Variants in WDFY1 observed in about 807,000 individuals in gnomAD.
WDFY1 encodes the protein WD repeat and FYVE domain containing 1.
A neutral mutation model predicts 56.4 loss-of-function variants in WDFY1; 32 were observed. The ratio of observed to expected loss-of-function variants is 0.57; its 90% CI spans 0.43 to 0.76. The LOEUF is 0.76. Ranked by LOEUF, WDFY1 falls within the 30% of genes least tolerant of loss-of-function variation. The pLI is 0.00. For missense variants in WDFY1, 480 were observed against 545.7 expected, an observed-to-expected ratio of 0.88 and a Z score of 1.20; for synonymous variants, 192 against 197.3, an observed-to-expected ratio of 0.97 and a Z score of 0.23.
intron 10 of WDFY1, among the ~76,000 whole-genome samples, chr2:223,881,457 G>C (rs1693069810): frequency 6.6e-6 from 1 of 152,138 alleles, no homozygotes; most frequent in Non-Finnish European, 1.5e-5. Context: ...GCATAGTCAT[G>C]GTCTTAAGTC....
chr2:223,927,194 A>C (rs1460521653), intron 1 of WDFY1, among the ~76,000 whole-genome samples: 1 of 152,230 alleles, frequency 6.6e-6, no homozygotes, highest in African/African-American at 2.4e-5. Flanking sequence ...TACCAGCTGC[A>C]TTAGCCACAG....
chr2:223,875,815 T>C lies in WDFY1; in HGVS notation c.*2856A>G, dbSNP rs538866796. ...ACACTTTAGGAGATACCATATCCAA[T>C]AACGGAAGTAGAAGTACTTTAACGA... On this transcript the variant is annotated 3_prime_UTR_variant, in exon 12 of 12. Coordinates refer to ENST00000233055, the MANE Select transcript of WDFY1 (RefSeq NM_020830.5). 2 of 152,270 alleles carry C rather than the reference T, an allele frequency of 1.3e-5. No individual in the cohort carries two copies. The highest frequency in any genetic ancestry group is 4.1e-4 in the South Asian group (2 of 4,830). 9.4% of individuals were successfully genotyped at this position (152,270 alleles called of 1,614,324 possible). A position where few individuals can be genotyped will look rare whatever the true frequency, so the allele number is the denominator to read the frequency against.
At chr2:223,905,921 C>G (rs73994418) in intron 4 of WDFY1, 26 bp downstream of exon 4, 1 of 1,489,440 alleles carries the variant, frequency 6.7e-7, no homozygotes, top group African/African-American at 1.4e-5. Context: ...TGTATGTGTA[C>G]GCAAGATAAT....
intron 9 of WDFY1, among the ~76,000 whole-genome samples, chr2:223,882,730 T>C (rs1007531620): frequency 0.017 from 42 of 2,520 alleles, no homozygotes; most frequent in Non-Finnish European, 0.15. Context: ...ATTATTATTA[T>C]TTTTTTTTTC....
intron 1 of WDFY1, among the ~76,000 whole-genome samples, chr2:223,921,898 C>A (rs1693891675): frequency 1.3e-5 from 2 of 152,240 alleles, no homozygotes; most frequent in South Asian, 4.1e-4. Flanking sequence ...TTTCACACAG[C>A]AGTAGGCCTG....
chr2:223,883,076 G>A (rs1693103695), intron 9 of WDFY1, among the ~76,000 whole-genome samples: 1 of 152,044 alleles, frequency 6.6e-6, no homozygotes, highest in South Asian at 2.1e-4. Flanking sequence ...ATAGAGACGG[G>A]GTCTCATCAT....
chr2:223,890,290 G>T (rs1239853160), intron 8 of WDFY1, among the ~76,000 whole-genome samples: 1 of 152,142 alleles, frequency 6.6e-6, no homozygotes, highest in African/African-American at 2.4e-5. Flanking sequence ...TGGCCAACAT[G>T]GTGAAACCCT....
At chr2:223,908,102 T>C (rs1693632590) in intron 3 of WDFY1, among the ~76,000 whole-genome samples, 1 of 152,128 alleles carries the variant, frequency 6.6e-6, no homozygotes, top group Non-Finnish European at 1.5e-5. Flanking sequence ...TCAATCCTCC[T>C]GCCTAAGCCT....
At chr2:223,912,147 G>T in intron 3 of WDFY1, 106 bp downstream of exon 3, 1 of 1,137,348 alleles carries the variant, frequency 8.8e-7, no homozygotes, top group Non-Finnish European at 1.2e-6. Context: ...AAACAATCGA[G>T]CATCCATTGT....
chr2:223,934,099 T>C (rs1694128268), intron 1 of WDFY1, among the ~76,000 whole-genome samples: 1 of 149,388 alleles, frequency 6.7e-6, no homozygotes. Context: ...TTTTTTTTTT[T>C]TTTTTGAGAA....
chr2:223,933,961 C>CAAAAAA (rs368902455), intron 1 of WDFY1, among the ~76,000 whole-genome samples: 2,718 of 50,260 alleles, frequency 0.054, 418 homozygotes, highest in Middle Eastern at 0.16. Flanking sequence ...GACCCTGCCT[C>CAAAAAA]AAAAAAAAAA....
intron 1 of WDFY1, among the ~76,000 whole-genome samples, chr2:223,919,776 C>T (rs911470164): frequency 3.3e-5 from 5 of 152,154 alleles, no homozygotes; most frequent in African/African-American, 1.2e-4. Flanking sequence ...AATATTGATA[C>T]CATATGTTTC....
chr2:223,884,859 C>CTTATT, intron 8 of WDFY1, 110 bp from the exon 9 acceptor site: 5 of 689,240 alleles, frequency 7.3e-6, no homozygotes, highest in African/African-American at 2.0e-5. Flanking sequence ...TTCTTTTCTT[C>CTTATT]TTTTTTTTTT....
At chr2:223,943,790 G>A (rs1689353731) in intron 1 of WDFY1, among the ~76,000 whole-genome samples, 1 of 152,232 alleles carries the variant, frequency 6.6e-6, no homozygotes. Flanking sequence ...GCTGGTGGGA[G>A]TTCTGGATTG....
intron 8 of WDFY1, among the ~76,000 whole-genome samples, chr2:223,889,437 G>A (rs1027904845): frequency 5.9e-5 from 9 of 152,166 alleles, no homozygotes; most frequent in Non-Finnish European, 1.2e-4. Flanking sequence ...TAATCCCCAT[G>A]TGTCATGGGA....
In WDFY1 at chr2:223,899,023, T is replaced by G. The variant is rs1372121040; in HGVS notation, c.533A>C (p.Gln178Pro). The G allele has an allele frequency of 6.2e-7, 1 of 1,614,170 alleles. No individual in the cohort carries two copies. The highest frequency in any genetic ancestry group is 1.3e-5 in the African/African-American group (1 of 75,066). The change falls in exon 6 of 12, where the codon CAG (glutamine) becomes CCG (proline). Residue 178 changes from glutamine to proline, a missense_variant. By Grantham distance (76) the Gln-to-Pro change is moderately conservative (BLOSUM62 -1). Coordinates refer to ENST00000233055, the MANE Select transcript of WDFY1 (RefSeq NM_020830.5). ...QYAFVGDYSG[Q>P]ITLLKLEQNT... ...CTGTTCAAGCTTCAGCAGGGTGATC[T>G]GCCCAGAATAATCACCAACGAAAGC...
chr2:223,903,754 G>C (rs1007270385), intron 4 of WDFY1, among the ~76,000 whole-genome samples: 1 of 150,752 alleles, frequency 6.6e-6, no homozygotes, highest in Non-Finnish European at 1.5e-5. Context: ...GGGCTCAAGT[G>C]ATCCTCCCAC....
chr2:223,927,725 G>T (rs1041315849), intron 1 of WDFY1, among the ~76,000 whole-genome samples: 7 of 152,134 alleles, frequency 4.6e-5, no homozygotes, highest in African/African-American at 1.7e-4. Flanking sequence ...TTGGCTGTTT[G>T]GTGCAAAAGG....
chr2:223,882,706 A>G lies in WDFY1; in HGVS notation c.934-634T>C, dbSNP rs547581045. 7.8e-5 allele frequency among the ~76,000 whole-genome samples: 11 copies of G among 140,550 alleles called. No homozygotes were observed. The South Asian group carries it at 2.7e-3, about 35-fold the overall frequency. The allele number at this position is 140,550 out of a possible 152,430, so 92.2% of individuals were successfully genotyped here. ...TAGGGAAAGAAAAATTTATTCCTCC[A>G]TCATAAAAAAGGCATTATTATTATT... On this transcript the variant is annotated intron_variant, in intron 9 of 11. Transcript: ENST00000233055.
Sources: allele counts gnomAD v4.1 joint callset (sites outside exome capture counted in the v4.1 genomes callset), GRCh38; gene constraint gnomAD v4.1.1; transcripts MANE v1.5; gene names NCBI Gene and HGNC (gene_info 2026-07-23, HGNC 2026-07-21).